Variants in SV2B observed in about 807,000 individuals in gnomAD.
SV2B encodes the protein synaptic vesicle glycoprotein 2B.
Under a neutral mutation model 73.9 loss-of-function variants are expected in SV2B, and 41 were observed. The ratio of observed to expected loss-of-function variants is 0.56; its 90% CI spans 0.43 to 0.72. The LOEUF (loss-of-function observed/expected upper bound fraction) is 0.72. SV2B is among the 30% of genes least tolerant of loss of function. The pLI is 0.00. For synonymous variants in SV2B, 314 were observed against 314.2 expected (o/e 1.00, Z 0.01); for missense variants, 764 against 857.8 (o/e 0.89, Z 1.37).
At chr15:91,104,724 C>T (rs574744057) in intron 1 of SV2B, among the ~76,000 whole-genome samples, 2 of 152,264 alleles carry the variant, frequency 1.3e-5, no homozygotes, top group African/African-American at 4.8e-5. Context: ...CCTCAGCCTC[C>T]CAGGTTCAAG....
intron 1 of SV2B, among the ~76,000 whole-genome samples, chr15:91,209,996 T>C (rs1466853910): frequency 6.6e-6 from 1 of 151,734 alleles, no homozygotes; most frequent in Admixed American, 6.6e-5. Flanking sequence ...GGGAAGAGAA[T>C]GGGGAGATGG....
At chr15:91,209,173 G>A (rs1006638177) in intron 1 of SV2B, among the ~76,000 whole-genome samples, 2 of 144,022 alleles carry the variant, frequency 1.4e-5, no homozygotes, top group Non-Finnish European at 3.0e-5. Flanking sequence ...CCAGGCTGGA[G>A]TGCAGTGGCA....
intron 1 of SV2B, among the ~76,000 whole-genome samples, chr15:91,151,459 C>A (rs1468062017): frequency 1.3e-5 from 2 of 152,200 alleles, no homozygotes; most frequent in African/African-American, 4.8e-5. Flanking sequence ...CCTGAGACCA[C>A]TAAGGACCAA....
chr15:91,114,710 C>A (rs1242777883), intron 1 of SV2B, among the ~76,000 whole-genome samples: 1 of 152,148 alleles, frequency 6.6e-6, no homozygotes, highest in Non-Finnish European at 1.5e-5. Context: ...TAGAGTTCTC[C>A]TCTGTGCTCT....
At chr15:91,211,676 G>C (rs777119137) in intron 1 of SV2B, among the ~76,000 whole-genome samples, 1 of 151,048 alleles carries the variant, frequency 6.6e-6, no homozygotes, top group Non-Finnish European at 1.5e-5. Flanking sequence ...GCTAATTTTT[G>C]TATTTTTAGT....
chr15:91,206,741 C>T (rs543312892), intron 1 of SV2B, among the ~76,000 whole-genome samples: 4 of 152,210 alleles, frequency 2.6e-5, no homozygotes, highest in African/African-American at 9.6e-5. Flanking sequence ...AAATGTTCGA[C>T]CTAGTACCTG....
intron 11 of SV2B, among the ~76,000 whole-genome samples, chr15:91,287,129 C>T (rs896545646): frequency 6.6e-6 from 1 of 152,210 alleles, no homozygotes; most frequent in Admixed American, 6.5e-5. Context: ...GGTTACCAGG[C>T]ACCTGCTCAC....
chr15:91,218,029 C>T (rs552691571), intron 1 of SV2B, among the ~76,000 whole-genome samples: 2 of 152,298 alleles, frequency 1.3e-5, no homozygotes, highest in African/African-American at 4.8e-5. Context: ...TCTTTCTTAT[C>T]GTTGCTAGGA....
chr15:91,172,840 T>A (rs2044171003), intron 1 of SV2B, among the ~76,000 whole-genome samples: 1 of 152,226 alleles, frequency 6.6e-6, no homozygotes, highest in Non-Finnish European at 1.5e-5. Context: ...AAACAGTATC[T>A]GGCTCATCAT....
Position 91,236,514 on chromosome 15 carries a change from G to T in SV2B, c.451+9800G>T, listed in dbSNP as rs531454838. ...ATGGAGGTGGAAGTTGCAGAGTTGG[G>T]AGTGGGCTGGAAATATATAAAACTC... On this transcript the variant is annotated intron_variant, in intron 2 of 12. Transcript: ENST00000394232. The surrounding 1 kb of genome is among the most constrained non-coding windows in gnomAD (Gnocchi z 4.1). Among the ~76,000 whole-genome samples the T allele has an allele frequency of 8.5e-5, 13 of 152,286 alleles. No homozygotes were observed. The South Asian group carries it at 2.7e-3, about 32-fold the overall frequency.
intron 1 of SV2B, among the ~76,000 whole-genome samples, chr15:91,191,342 C>G (rs1488758857): frequency 6.6e-6 from 1 of 152,034 alleles, no homozygotes; most frequent in African/African-American, 2.4e-5. Flanking sequence ...CTGCTGAGCC[C>G]AGTTCTAGCA....
At chr15:91,135,012 T>A (rs972469284) in intron 1 of SV2B, among the ~76,000 whole-genome samples, 10 of 124,408 alleles carry the variant, frequency 8.0e-5, no homozygotes, top group Non-Finnish European at 1.3e-4. Flanking sequence ...TTTTTTTTTT[T>A]ATTTTGAGAC....
At chr15:91,143,695 C>T (rs994595708) in intron 1 of SV2B, among the ~76,000 whole-genome samples, 4 of 151,964 alleles carry the variant, frequency 2.6e-5, no homozygotes, top group African/African-American at 7.2e-5. Flanking sequence ...TTGATGAGTC[C>T]GATTTTTCTG....
intron 1 of SV2B, among the ~76,000 whole-genome samples, chr15:91,131,757 G>A (rs894593192): frequency 2.6e-5 from 4 of 152,210 alleles, no homozygotes; most frequent in South Asian, 2.1e-4. Context: ...GAGGTCAGGA[G>A]TTTGAGACCA....
chr15:91,263,259 CG>C (rs2047981819), intron 6 of SV2B, among the ~76,000 whole-genome samples: 1 of 120,456 alleles, frequency 8.3e-6, no homozygotes, highest in South Asian at 2.3e-4. Context: ...CAGGAACACA[CG>C]GACACAGACA....
chr15:91,204,907 A>G (rs1214838887), intron 1 of SV2B, among the ~76,000 whole-genome samples: 1 of 152,040 alleles, frequency 6.6e-6, no homozygotes, highest in East Asian at 1.9e-4. Flanking sequence ...ATTTTTACAG[A>G]TGGGAAAACT....
At chr15:91,271,772 G>T (rs886831631) in intron 9 of SV2B, among the ~76,000 whole-genome samples, 1 of 152,132 alleles carries the variant, frequency 6.6e-6, no homozygotes, top group Non-Finnish European at 1.5e-5. Context: ...CTGGTCGTGA[G>T]CTGGAAAACA....
intron 1 of SV2B, among the ~76,000 whole-genome samples, chr15:91,126,853 A>T (rs2042498294): frequency 6.6e-6 from 1 of 152,264 alleles, no homozygotes; most frequent in Non-Finnish European, 1.5e-5. Context: ...GAACTTCCTT[A>T]ACCTGATAAA....
At chr15:91,259,714 G>T (rs1398052801) in intron 5 of SV2B, among the ~76,000 whole-genome samples, 2 of 152,262 alleles carry the variant, frequency 1.3e-5, no homozygotes, top group East Asian at 3.9e-4. Flanking sequence ...TCCTTGGCTT[G>T]CAGCTGCAAC....
Sources: allele counts gnomAD v4.1 joint callset (sites outside exome capture counted in the v4.1 genomes callset), GRCh38; gene constraint gnomAD v4.1.1; non-coding constraint Gnocchi (gnomAD v3.1); transcripts MANE v1.5; gene names NCBI Gene and HGNC (gene_info 2026-07-23, HGNC 2026-07-21).